Variants in SMYD3 observed in about 807,000 individuals in gnomAD.
The protein encoded by SMYD3 is histone-lysine N-methyltransferase SMYD3.
Under a neutral mutation model 57.7 loss-of-function variants are expected in SMYD3, and 36 were observed. The observed-to-expected ratio is 0.62, with a 90% confidence interval of 0.48 to 0.82. SMYD3 has a LOEUF of 0.82. Among genes scored for constraint, SMYD3 ranks in the 40% least tolerant of loss-of-function variants. The pLI, the probability that SMYD3 is intolerant of heterozygous loss-of-function variation, is 0.00. For missense variants in SMYD3, 515 were observed against 538.8 expected (o/e 0.96, Z 0.44); for synonymous variants, 211 against 195.0 (o/e 1.08, Z -0.68).
At position 245,992,918 on chromosome 1, in the gene SMYD3, G is replaced by A. The variant is rs111625989; in HGVS notation, c.532-62981C>T. Among the ~76,000 whole-genome samples, 8 of 102,642 alleles carry A rather than the reference G, an allele frequency of 7.8e-5. 1 individual carries two copies. The highest frequency in any genetic ancestry group is 7.9e-4 in the South Asian group (2 of 2,536). 67.3% of individuals were successfully genotyped at this position (102,642 alleles called of 152,430 possible). On this transcript the variant is annotated intron_variant, in intron 5 of 11. Transcript: ENST00000490107. ...ATGGATCGGCCACTTCTAGAATGGC[G>A]GTCATGGGGCCTGGAGTGGTCATGG...
chr1:246,320,672 G>T (rs143048622), intron 5 of SMYD3, among the ~76,000 whole-genome samples: 102 of 151,972 alleles, frequency 6.7e-4, no homozygotes, highest in African/African-American at 2.3e-3. Flanking sequence ...TTTTAGAAAA[G>T]AAAGTTATAA....
intron 5 of SMYD3, among the ~76,000 whole-genome samples, chr1:246,036,539 C>CTTTTTTTT (rs59062672): frequency 2.1e-4 from 30 of 144,930 alleles, no homozygotes; most frequent in Admixed American, 2.7e-4. Flanking sequence ...TTCTTTCTCT[C>CTTTTTTTT]TTTTTTTTTT....
At chr1:245,842,687 G>A (rs950320513) in intron 10 of SMYD3, among the ~76,000 whole-genome samples, 1 of 152,134 alleles carries the variant, frequency 6.6e-6, no homozygotes, top group Admixed American at 6.6e-5. Flanking sequence ...CTGGTGAAAA[G>A]TTCCACGTTT....
chr1:246,231,556 T>C (rs558107785), intron 5 of SMYD3, among the ~76,000 whole-genome samples: 42 of 152,296 alleles, frequency 2.8e-4, no homozygotes, highest in Admixed American at 6.5e-4. Flanking sequence ...CACATTCCAA[T>C]TGACACACAG....
At chr1:245,989,884 C>T (rs2058782374) in intron 5 of SMYD3, among the ~76,000 whole-genome samples, 1 of 152,048 alleles carries the variant, frequency 6.6e-6, no homozygotes, top group African/African-American at 2.4e-5. Context: ...CTATAGATGC[C>T]CTGACCTTAA....
intron 1 of SMYD3, among the ~76,000 whole-genome samples, chr1:246,471,803 A>G (rs2067964695): frequency 6.6e-6 from 1 of 152,268 alleles, no homozygotes; most frequent in Non-Finnish European, 1.5e-5. Context: ...ATAAAAATGT[A>G]GAAAGACTAC....
chr1:246,039,525 C>T (rs1053432279), intron 5 of SMYD3, among the ~76,000 whole-genome samples: 9 of 152,160 alleles, frequency 5.9e-5, no homozygotes, highest in African/African-American at 1.7e-4. Flanking sequence ...TAGCAGCCTT[C>T]GAAATGTGGG....
chr1:246,440,732 T>C (rs1176062403), intron 1 of SMYD3, among the ~76,000 whole-genome samples: 1 of 152,116 alleles, frequency 6.6e-6, no homozygotes, highest in Non-Finnish European at 1.5e-5. Flanking sequence ...CAAAGGGTAA[T>C]TAAAACAACC....
chr1:246,043,019 G>C (rs908767240), intron 5 of SMYD3, among the ~76,000 whole-genome samples: 1 of 151,988 alleles, frequency 6.6e-6, no homozygotes. Flanking sequence ...GAACACACTG[G>C]GAAATGTTTG....
At chr1:246,337,325 A>C (rs896621303) in intron 2 of SMYD3, among the ~76,000 whole-genome samples, 2 of 152,240 alleles carry the variant, frequency 1.3e-5, no homozygotes, top group Non-Finnish European at 2.9e-5. Flanking sequence ...TATTTAACAC[A>C]GTTTCCCATG....
intron 10 of SMYD3, among the ~76,000 whole-genome samples, chr1:245,784,823 G>T (rs1000794115): frequency 9.2e-5 from 14 of 151,684 alleles, no homozygotes; most frequent in Non-Finnish European, 1.6e-4. Context: ...CCAGATTCAA[G>T]GGGAGGGAAT....
At chr1:246,379,113 C>CACACACACAT (rs143967247) in intron 1 of SMYD3, among the ~76,000 whole-genome samples, 438 of 139,958 alleles carry the variant, frequency 3.1e-3, no homozygotes, top group African/African-American at 0.011. Flanking sequence ...CACACACACA[C>CACACACACAT]ATATATTCCA....
chr1:246,141,616 C>A (rs2061756954), intron 5 of SMYD3, among the ~76,000 whole-genome samples: 1 of 152,144 alleles, frequency 6.6e-6, no homozygotes, highest in South Asian at 2.1e-4. Context: ...AAGTCCTTTA[C>A]AGAACCACAG....
intron 5 of SMYD3, among the ~76,000 whole-genome samples, chr1:245,955,568 G>C (rs961029217): frequency 6.6e-6 from 1 of 152,036 alleles, no homozygotes; most frequent in Non-Finnish European, 1.5e-5. Flanking sequence ...CATCCAAATA[G>C]ATTTACCTGA....
intron 8 of SMYD3, among the ~76,000 whole-genome samples, chr1:245,890,834 T>C (rs899223479): frequency 7.2e-5 from 11 of 152,184 alleles, no homozygotes; most frequent in African/African-American, 2.7e-4. Flanking sequence ...TGTCTGTTGA[T>C]AGATGAATAA....
intron 5 of SMYD3, among the ~76,000 whole-genome samples, chr1:246,117,975 A>G (rs2061367879): frequency 1.3e-5 from 2 of 152,208 alleles, no homozygotes; most frequent in African/African-American, 4.8e-5. Flanking sequence ...CAAACAGTAT[A>G]GGTCCTAGGA....
intron 5 of SMYD3, among the ~76,000 whole-genome samples, chr1:245,964,516 T>C (rs769187644): frequency 5.3e-5 from 8 of 152,186 alleles, no homozygotes; most frequent in Non-Finnish European, 8.8e-5. Context: ...CATAGTCAGA[T>C]ACAGCAGAAA....
At chr1:245,772,467 T>C (rs954653835) in intron 10 of SMYD3, among the ~76,000 whole-genome samples, 13 of 151,972 alleles carry the variant, frequency 8.6e-5, no homozygotes, top group Admixed American at 8.5e-4. Flanking sequence ...CTGGGTAACA[T>C]AGTGAGATGC....
At chr1:246,256,153 T>C (rs187868380) in intron 5 of SMYD3, among the ~76,000 whole-genome samples, 223 of 152,226 alleles carry the variant, frequency 1.5e-3, no homozygotes, top group African/African-American at 5.0e-3. Context: ...TGGAGTCTGA[T>C]GGTCGAGGGC....
Sources: gnomAD v4.1 joint callset for allele counts (sites outside exome capture counted in the v4.1 genomes callset) on GRCh38, gnomAD v4.1.1 for gene constraint, MANE v1.5 for transcripts, NCBI Gene and HGNC (gene_info 2026-07-23, HGNC 2026-07-21) for gene names.